The following FBXL17 variants were observed in gnomAD, a reference collection of about 807,000 sequenced individuals.
The protein encoded by FBXL17 is F-box and leucine rich repeat protein 17, also known as F-box/LRR-repeat protein 17.
A neutral mutation model predicts 66.2 loss-of-function variants in FBXL17; 22 were observed. That is an observed-to-expected ratio of 0.33 (90% CI 0.24 to 0.47). The LOEUF is 0.47. Among genes scored for constraint, FBXL17 ranks in the 20% least tolerant of loss-of-function variants. FBXL17 has a pLI of 1.00. For synonymous variants in FBXL17, 474 were observed against 400.5 expected (o/e 1.18, Z -2.19); for missense variants, 878 against 948.2 (o/e 0.93, Z 0.97).
At chr5:108,056,299 A>T (rs1372134652) in intron 6 of FBXL17, among the ~76,000 whole-genome samples, 1 of 152,204 alleles carries the variant, frequency 6.6e-6, no homozygotes, top group Non-Finnish European at 1.5e-5. Context: ...CTTGCCTCTC[A>T]AGTGTTACAA....
intron 6 of FBXL17, among the ~76,000 whole-genome samples, chr5:108,122,812 A>T (rs1382798627): frequency 3.3e-5 from 5 of 152,152 alleles, no homozygotes; most frequent in Admixed American, 3.3e-4. Context: ...CTCTTCCTAT[A>T]GTATGGTCTC....
chr5:108,381,071 G>A lies in FBXL17; in HGVS notation c.621C>T (p.Cys207=). The change falls in exon 1 of 9, where the codon TGC becomes TGT. Residue 207 remains cysteine (C), a synonymous_variant. Coordinates refer to ENST00000542267, the MANE Select transcript of FBXL17 (RefSeq NM_001163315.3). ...CGCAGCGGGGCTGCTTGCAGGGGGT[G>A]CAGGCGGGGACCCCGGCCCCCTTCC... The part of the protein sequence containing the change: ...CKRKGAGVPA[C]TPCKQPRCGG... The A allele has an allele frequency of 8.1e-7, 1 of 1,237,770 alleles. No homozygotes were observed. Among genetic ancestry groups the A allele is most frequent in the South Asian group, 3.4e-5 (1 of 29,640 alleles). 76.7% of individuals were successfully genotyped at this position (1,237,770 alleles called of 1,614,324 possible).
chr5:108,179,415 A>G (rs1752917020), intron 6 of FBXL17, among the ~76,000 whole-genome samples: 1 of 152,140 alleles, frequency 6.6e-6, no homozygotes, highest in Non-Finnish European at 1.5e-5. Flanking sequence ...CAATATACCT[A>G]AAAAAACAAA....
At chr5:108,270,542 A>C (rs939657015) in intron 4 of FBXL17, among the ~76,000 whole-genome samples, 3 of 151,002 alleles carry the variant, frequency 2.0e-5, no homozygotes, top group South Asian at 2.1e-4. Flanking sequence ...TAATAAAAAA[A>C]AAAAACATGT....
chr5:107,897,908 A>G (rs529525584), intron 7 of FBXL17, among the ~76,000 whole-genome samples: 1 of 142,802 alleles, frequency 7.0e-6, no homozygotes, highest in South Asian at 2.2e-4. Context: ...GGATATGATA[A>G]AAAAGAAAGA....
At chr5:108,341,281 T>A (rs896492408) in intron 4 of FBXL17, among the ~76,000 whole-genome samples, 1 of 152,298 alleles carries the variant, frequency 6.6e-6, no homozygotes, top group African/African-American at 2.4e-5. Flanking sequence ...TCACTAGATA[T>A]AAATTACATG....
At chr5:108,161,354 T>C (rs1752211112) in intron 6 of FBXL17, among the ~76,000 whole-genome samples, 1 of 151,948 alleles carries the variant, frequency 6.6e-6, no homozygotes. Flanking sequence ...AGCGTAGCAG[T>C]GTGTGCCTGT....
intron 4 of FBXL17, among the ~76,000 whole-genome samples, chr5:108,266,762 C>G (rs1757062143): frequency 6.6e-6 from 1 of 152,040 alleles, no homozygotes; most frequent in Non-Finnish European, 1.5e-5. Context: ...CACCTCAAAA[C>G]AGCAAAATTT....
intron 6 of FBXL17, among the ~76,000 whole-genome samples, chr5:108,031,658 A>G: frequency 6.6e-6 from 1 of 152,292 alleles, no homozygotes; most frequent in Middle Eastern, 3.4e-3. Context: ...AATCCATGAG[A>G]AACTGGTCTC....
intron 7 of FBXL17, among the ~76,000 whole-genome samples, chr5:107,965,427 C>T (rs10477882): frequency 0.86 from 130,459 of 152,170 alleles, 56,317 homozygotes; most frequent in African/African-American, 0.93. Context: ...TATAACAATG[C>T]CTGTTAAATC....
chr5:108,350,826 G>A (rs1747596618), intron 3 of FBXL17, among the ~76,000 whole-genome samples: 1 of 152,166 alleles, frequency 6.6e-6, no homozygotes, highest in Admixed American at 6.6e-5. Flanking sequence ...TATCAGGAAG[G>A]TACTGGAATC....
intron 7 of FBXL17, among the ~76,000 whole-genome samples, chr5:107,939,061 C>A (rs1021417603): frequency 5.3e-5 from 8 of 152,084 alleles, no homozygotes; most frequent in Admixed American, 4.6e-4. Context: ...AACCAACATT[C>A]CTGACTATGT....
chr5:108,055,068 T>A (rs560802921), intron 6 of FBXL17, among the ~76,000 whole-genome samples: 12 of 152,166 alleles, frequency 7.9e-5, no homozygotes, highest in African/African-American at 2.9e-4. Context: ...GTCATTTGAA[T>A]TCCAAGGGTT....
intron 7 of FBXL17, among the ~76,000 whole-genome samples, chr5:107,939,675 T>A (rs1442430546): frequency 1.3e-5 from 2 of 152,296 alleles, no homozygotes; most frequent in East Asian, 3.9e-4. Context: ...TCAATCATTG[T>A]ATAGAATAAT....
At chr5:108,052,119 A>G (rs1747503600) in intron 6 of FBXL17, among the ~76,000 whole-genome samples, 1 of 78,000 alleles carries the variant, frequency 1.3e-5, no homozygotes. Context: ...TCTCAAAAAA[A>G]AAAAAAAAAA....
chr5:108,360,019 T>C (rs955116895), intron 3 of FBXL17, among the ~76,000 whole-genome samples: 7 of 152,298 alleles, frequency 4.6e-5, no homozygotes, highest in Non-Finnish European at 8.8e-5. Context: ...TCCTGAAAGA[T>C]TAATATTTTA....
chr5:107,866,503 C>T (rs1748278672), intron 8 of FBXL17, among the ~76,000 whole-genome samples: 1 of 152,200 alleles, frequency 6.6e-6, no homozygotes, highest in Non-Finnish European at 1.5e-5. Flanking sequence ...CATGATATGG[C>T]TGCCGCTCTT....
At chr5:108,255,108 A>C (rs2150118396) in intron 4 of FBXL17, among the ~76,000 whole-genome samples, 1 of 152,306 alleles carries the variant, frequency 6.6e-6, no homozygotes, top group Middle Eastern at 3.4e-3. Context: ...ACACAGACCT[A>C]CATACACATA....
chr5:108,234,912 A>G (rs1755529938), intron 4 of FBXL17, among the ~76,000 whole-genome samples: 1 of 152,230 alleles, frequency 6.6e-6, no homozygotes, highest in Non-Finnish European at 1.5e-5. Context: ...AAGCTCTTCT[A>G]TAAATTTCAA....
Sources: gnomAD v4.1 joint callset for allele counts (sites outside exome capture counted in the v4.1 genomes callset) on GRCh38, gnomAD v4.1.1 for gene constraint, MANE v1.5 for transcripts, NCBI Gene and HGNC (gene_info 2026-07-23, HGNC 2026-07-21) for gene names.